Variants in SYT1 observed in about 807,000 individuals in gnomAD.
SYT1 encodes synaptotagmin-1.
A neutral mutation model predicts 44.8 loss-of-function variants in SYT1; 8 were observed. The observed-to-expected ratio is 0.18, with a 90% CI of 0.10 to 0.32. SYT1 has a LOEUF of 0.32. Ranked by LOEUF, SYT1 falls within the 10% of genes least tolerant of loss-of-function variation. SYT1 has a pLI of 1.00. For synonymous variants in SYT1, 154 were observed against 188.8 expected (o/e 0.82, Z 1.51); for missense variants, 286 against 509.3 (o/e 0.56, Z 4.22).
chr12:79,244,343 ATTC>A (rs945937078), intron 4 of SYT1, among the ~76,000 whole-genome samples: 4 of 152,112 alleles, frequency 2.6e-5, no homozygotes, highest in African/African-American at 9.7e-5. Flanking sequence ...GTTCTTTTGC[ATTC>A]TTTTTCTCCT....
At chr12:78,998,865 G>A (rs933661887) in intron 2 of SYT1, among the ~76,000 whole-genome samples, 1 of 152,190 alleles carries the variant, frequency 6.6e-6, no homozygotes, top group Non-Finnish European at 1.5e-5. Context: ...AGTACAACAA[G>A]TTGCTGTACA....
At chr12:79,398,766 A>G (rs1253896613) in intron 9 of SYT1, among the ~76,000 whole-genome samples, 3 of 152,242 alleles carry the variant, frequency 2.0e-5, no homozygotes, top group African/African-American at 7.2e-5. Flanking sequence ...GCTATTTTAG[A>G]AGGAAAATGA....
chr12:79,445,571 T>C (rs1870660847), intron 10 of SYT1, among the ~76,000 whole-genome samples: 2 of 152,094 alleles, frequency 1.3e-5, no homozygotes, highest in South Asian at 4.1e-4. Context: ...TGTTCCTGGC[T>C]TATTTCACTT....
At chr12:79,422,708 A>G (rs1000431515) in intron 9 of SYT1, among the ~76,000 whole-genome samples, 3 of 151,880 alleles carry the variant, frequency 2.0e-5, no homozygotes, top group African/African-American at 7.3e-5. Context: ...GATTTGTTAG[A>G]TACTTTGAAC....
chr12:79,102,087 G>A lies in SYT1; in HGVS notation c.-18+54725G>A, dbSNP rs185340459. Among the ~76,000 whole-genome samples the A allele has an allele frequency of 6.3e-4, 96 of 151,936 alleles. No homozygotes were observed. In the East Asian group the frequency reaches 0.01, roughly 17 times the overall value. On this transcript the variant is annotated intron_variant, in intron 3 of 10. Coordinates refer to ENST00000261205, the MANE Select transcript of SYT1 (RefSeq NM_005639.3). ...CTTTTTTAGAAACCTTGCATTTATC[G>A]CCTCCTAATTGGTCTTTGATCATAA...
At chr12:79,378,166 C>A (rs949094976) in intron 9 of SYT1, among the ~76,000 whole-genome samples, 44 of 152,302 alleles carry the variant, frequency 2.9e-4, no homozygotes, top group African/African-American at 1.0e-3. Context: ...AATTCAAATT[C>A]TCTTCTATTA....
At chr12:79,070,828 T>G (rs1876221931) in intron 3 of SYT1, among the ~76,000 whole-genome samples, 1 of 152,222 alleles carries the variant, frequency 6.6e-6, no homozygotes, top group African/African-American at 2.4e-5. Context: ...TATCATGCAG[T>G]ATACTTTTGT....
At chr12:78,958,844 G>C (rs553479238) in intron 1 of SYT1, among the ~76,000 whole-genome samples, 9 of 152,214 alleles carry the variant, frequency 5.9e-5, no homozygotes, top group South Asian at 2.1e-4. Context: ...GATCTGTATA[G>C]TATCTGAGAA....
At chr12:79,194,363 A>T (rs1873315207) in intron 3 of SYT1, among the ~76,000 whole-genome samples, 1 of 152,022 alleles carries the variant, frequency 6.6e-6, no homozygotes, top group Non-Finnish European at 1.5e-5. Flanking sequence ...GGTCTCAAAG[A>T]CAAGCCACAT....
chr12:78,957,520 A>G (rs1420701843), intron 1 of SYT1, among the ~76,000 whole-genome samples: 5 of 152,116 alleles, frequency 3.3e-5, no homozygotes, highest in African/African-American at 1.2e-4. Context: ...TATTGACTTT[A>G]TTTTGAAGCT....
intron 9 of SYT1, among the ~76,000 whole-genome samples, chr12:79,435,165 G>C (rs1210100035): frequency 6.6e-6 from 1 of 152,138 alleles, no homozygotes; most frequent in Non-Finnish European, 1.5e-5. Flanking sequence ...GCAGTCATTT[G>C]CATCCATAAG....
intron 9 of SYT1, among the ~76,000 whole-genome samples, chr12:79,376,517 A>G (rs1441437836): frequency 6.6e-6 from 1 of 152,120 alleles, no homozygotes; most frequent in Non-Finnish European, 1.5e-5. Flanking sequence ...CCTTTACTGC[A>G]AACTGTTTTA....
chr12:79,140,578 G>A (rs1245925046), intron 3 of SYT1, among the ~76,000 whole-genome samples: 1 of 152,056 alleles, frequency 6.6e-6, no homozygotes, highest in Non-Finnish European at 1.5e-5. Flanking sequence ...CGTGTGCTTC[G>A]TTACCATGCA....
At chr12:79,431,694 C>G (rs569467763) in intron 9 of SYT1, among the ~76,000 whole-genome samples, 1 of 152,102 alleles carries the variant, frequency 6.6e-6, no homozygotes, top group South Asian at 2.1e-4. Context: ...CAGGCATGTG[C>G]CACCACACCT....
intron 2 of SYT1, among the ~76,000 whole-genome samples, chr12:79,001,675 A>G (rs747652896): frequency 1.3e-5 from 2 of 152,124 alleles, no homozygotes; most frequent in Non-Finnish European, 2.9e-5. Context: ...CTACCAATTT[A>G]TTTTCTGTTC....
intron 5 of SYT1, among the ~76,000 whole-genome samples, chr12:79,291,250 T>A (rs1022545632): frequency 9.2e-5 from 14 of 152,208 alleles, no homozygotes; most frequent in African/African-American, 3.1e-4. Flanking sequence ...ATTTTGTTCT[T>A]AAATACAAAA....
At chr12:78,993,292 G>C (rs1870145395) in intron 2 of SYT1, among the ~76,000 whole-genome samples, 3 of 152,192 alleles carry the variant, frequency 2.0e-5, no homozygotes, top group Non-Finnish European at 2.9e-5. Flanking sequence ...TTTGGGCAAA[G>C]TATATCTTGC....
At chr12:78,899,078 C>A (rs112587419) in intron 1 of SYT1, among the ~76,000 whole-genome samples, 7,691 of 152,060 alleles carry the variant, frequency 0.051, 247 homozygotes, top group Non-Finnish European at 0.072. Context: ...TTTGATGTGG[C>A]ACATTCTGCT....
chr12:79,349,039 A>AAGAAAG lies in SYT1; in HGVS notation c.811-4461_811-4456dup, dbSNP rs1555219966. Among the ~76,000 whole-genome samples the AAGAAAG allele has an allele frequency of 1.7e-3, 245 of 140,078 alleles. No individual in the cohort carries two copies. In the East Asian group the frequency reaches 0.025, roughly 14 times the overall value. 91.9% of individuals were successfully genotyped at this position (140,078 alleles called of 152,430 possible). On this transcript the variant is annotated intron_variant, in intron 8 of 10. Coordinates refer to ENST00000261205, the MANE Select transcript of SYT1 (RefSeq NM_005639.3). The stretch of plus-strand genomic sequence containing the variant: ...AGAAAGAAAGAAAGAAAGAAAAAGA[A>AAGAAAG]AGAAAGAAAGAAAGAAAGGAGGGAG...
Sources: gnomAD v4.1 joint callset for allele counts (sites outside exome capture counted in the v4.1 genomes callset) on GRCh38, gnomAD v4.1.1 for gene constraint, MANE v1.5 for transcripts, NCBI Gene and HGNC (gene_info 2026-07-23, HGNC 2026-07-21) for gene names.